The following KCNU1 variants were observed in gnomAD, a reference collection of about 807,000 sequenced individuals.
KCNU1 encodes potassium channel subfamily U member 1.
Under a neutral mutation model 126.8 loss-of-function variants are expected in KCNU1, and 93 were observed. The ratio of observed to expected loss-of-function variants is 0.73; its 90% CI spans 0.62 to 0.87. The LOEUF is 0.87. Among genes scored for constraint, KCNU1 ranks in the 40% least tolerant of loss-of-function variants. The pLI is 0.00. For missense variants in KCNU1, 1,330 were observed against 1,367.1 expected, an observed-to-expected ratio of 0.97 and a Z score of 0.43; for synonymous variants, 523 against 494.2, an observed-to-expected ratio of 1.06 and a Z score of -0.77.
At chr8:36,885,599 C>G (rs1317492463) in intron 19 of KCNU1, among the ~76,000 whole-genome samples, 6 of 152,052 alleles carry the variant, frequency 3.9e-5, no homozygotes, top group African/African-American at 1.4e-4. Context: ...TCGAGACCAG[C>G]CTGGCCAACA....
At chr8:36,789,485 T>C (rs1339804467) in intron 2 of KCNU1, among the ~76,000 whole-genome samples, 1 of 152,232 alleles carries the variant, frequency 6.6e-6, no homozygotes, top group Non-Finnish European at 1.5e-5. Context: ...CCTTCCTTTG[T>C]AATTCTTTTA....
chr8:36,788,500 T>C (rs994770770), intron 2 of KCNU1, among the ~76,000 whole-genome samples: 13 of 152,236 alleles, frequency 8.5e-5, no homozygotes, highest in Non-Finnish European at 1.9e-4. Context: ...GGTCTTATGG[T>C]GGAAGTAGTT....
chr8:36,857,010 G>A lies in KCNU1; in HGVS notation c.1892-7394G>A, dbSNP rs573850481. Among the ~76,000 whole-genome samples the A allele has an allele frequency of 2.0e-5, 3 of 152,294 alleles. No individual in the cohort carries two copies. The East Asian group carries it at 5.8e-4, about 29-fold the overall frequency. ...TTTGGGCGGAGCTTCAGAGCTCTTT[G>A]TTCTTATGGCCTGCCTCTCCTCCTG... On this transcript the variant is annotated intron_variant, in intron 18 of 26. Transcript: ENST00000399881.
intron 10 of KCNU1, 78 bp downstream of exon 10, chr8:36,817,838 A>G: frequency 1.4e-6 from 1 of 707,570 alleles, no homozygotes; most frequent in Non-Finnish European, 2.5e-6. Flanking sequence ...CAAGAAAATT[A>G]CCTTCACAAT....
rs1563346034 is a variant in KCNU1 at position 36,935,877 on chromosome 8, A to G, written c.3407A>G (p.Glu1136Gly). ...AKENERKTSD[E>G]VYDEDPFAYS... ...GAAAATGAAAGGAAAACTTCAGATG[A>G]GGTTTATGATGAGGATCCCTTTGCA... The change falls in exon 27 of 27, where the codon GAG (glutamate) becomes GGG (glycine). Residue 1136 changes from glutamate to glycine, a missense_variant. Around this residue, in one of 3 missense-constraint regions of KCNU1, gnomAD observed 1,054 missense variants for 1,053.9 expected, o/e 1.00. Transcript: ENST00000399881. 1 of 1,609,474 alleles carries G rather than the reference A, an allele frequency of 6.2e-7. No homozygotes were observed. The highest frequency in any genetic ancestry group is 8.5e-7 in the Non-Finnish European group (1 of 1,177,792).
intron 19 of KCNU1, among the ~76,000 whole-genome samples, chr8:36,886,056 A>T (rs569196499): frequency 1.5e-4 from 23 of 152,294 alleles, no homozygotes; most frequent in Admixed American, 1.2e-3. Context: ...TATCCCACAC[A>T]TTACCACCAC....
rs562277086 is a variant in KCNU1 at position 36,830,205 on chromosome 8, C to T, written c.1107-3349C>T. ...TAAGGATTAGAAAGAAGGAAATAAACTATTTGTCTGAAATAGTATAATTAT... is the reference window on the plus strand; with the variant it reads ...TAAGGATTAGAAAGAAGGAAATAAATTATTTGTCTGAAATAGTATAATTAT... On this transcript the variant is annotated intron_variant, in intron 10 of 26. Transcript: ENST00000399881. Among the ~76,000 whole-genome samples the T allele has an allele frequency of 1.3e-3, 197 of 150,978 alleles. 2 individuals are homozygous for T. The highest frequency in any genetic ancestry group is 4.6e-3 in the African/African-American group (190 of 41,360).
Position 36,815,667 on chromosome 8 carries a change from T to A in KCNU1, c.975T>A (p.Tyr325Ter). ...ACAAGAGGAAATACACCAGTTCCTA[T>A]GAAGCACTCAAAGGAAAGAAGTAAG... ...FANKRKYTSS[Y>*]EALKGKKFIV... The change falls in exon 9 of 27, where the codon TAT becomes TAA. Residue 325 changes from tyrosine to a stop codon, truncating the protein, a stop_gained. Coordinates refer to ENST00000399881, the MANE Select transcript of KCNU1 (RefSeq NM_001031836.3). LOFTEE classifies it high-confidence loss of function. The A allele has an allele frequency of 6.3e-7, 1 of 1,585,198 alleles. No individual in the cohort carries two copies. Among genetic ancestry groups the A allele is most frequent in the Non-Finnish European group, 8.6e-7 (1 of 1,162,032 alleles).
chr8:36,929,043 G>A, intron 24 of KCNU1: 1 of 698,338 alleles, frequency 1.4e-6, no homozygotes, highest in South Asian at 1.5e-5. Flanking sequence ...AATGCTAAAA[G>A]GTAAGTATTG....
At chr8:36,874,249 A>T (rs999240688) in intron 19 of KCNU1, among the ~76,000 whole-genome samples, 24 of 152,202 alleles carry the variant, frequency 1.6e-4, no homozygotes, top group Non-Finnish European at 3.2e-4. Context: ...TTTTTTATTT[A>T]TAAGCCCATC....
At chr8:36,855,298 T>C (rs1805490121) in intron 18 of KCNU1, among the ~76,000 whole-genome samples, 1 of 152,184 alleles carries the variant, frequency 6.6e-6, no homozygotes. Context: ...TGCCCTGCTA[T>C]CTGTTGCCTC....
chr8:36,886,255 T>A (rs1026174310), intron 19 of KCNU1, among the ~76,000 whole-genome samples: 1 of 152,186 alleles, frequency 6.6e-6, no homozygotes. Context: ...CTAGCTAGAT[T>A]AACATAAAAC....
chr8:36,899,902 G>GT (rs1232049322), intron 19 of KCNU1, among the ~76,000 whole-genome samples: 4 of 152,106 alleles, frequency 2.6e-5, no homozygotes, highest in African/African-American at 9.7e-5. Context: ...AGAGTGACCA[G>GT]TTTTAACCCT....
chr8:36,914,665 C>T (rs553009576), intron 22 of KCNU1, among the ~76,000 whole-genome samples: 209 of 152,280 alleles, frequency 1.4e-3, no homozygotes, highest in Middle Eastern at 3.4e-3. Flanking sequence ...GCCTCCTGGA[C>T]ATCTCCATGG....
chr8:36,827,464 G>A (rs571432858), intron 10 of KCNU1, among the ~76,000 whole-genome samples: 4 of 152,222 alleles, frequency 2.6e-5, no homozygotes, highest in South Asian at 4.2e-4. Context: ...TGTAAAATGC[G>A]TTCAGGGGAA....
chr8:36,847,802 A>G (rs1380151745), intron 18 of KCNU1, among the ~76,000 whole-genome samples: 1 of 152,240 alleles, frequency 6.6e-6, no homozygotes, highest in Non-Finnish European at 1.5e-5. Context: ...TCTTTTTGAT[A>G]CACTGATTAT....
At chr8:36,807,231 G>A in intron 5 of KCNU1, 144 bp from the exon 6 acceptor site, 1 of 646,976 alleles carries the variant, frequency 1.5e-6, no homozygotes, top group Non-Finnish European at 2.8e-6. Context: ...TACAGCTTAT[G>A]CTGTTAAGCC....
intron 9 of KCNU1, among the ~76,000 whole-genome samples, chr8:36,816,277 GT>G (rs1211874529): frequency 2.0e-5 from 3 of 151,926 alleles, no homozygotes; most frequent in Non-Finnish European, 4.4e-5. Flanking sequence ...GAGTGGAGTT[GT>G]TTTTATATTA....
At chr8:36,834,124 G>T (rs897032872) in intron 11 of KCNU1, among the ~76,000 whole-genome samples, 1 of 152,094 alleles carries the variant, frequency 6.6e-6, no homozygotes, top group African/African-American at 2.4e-5. Context: ...AAGTTGTGAC[G>T]CAAAATAATG....
Sources: allele counts gnomAD v4.1 joint callset (sites outside exome capture counted in the v4.1 genomes callset), GRCh38; gene constraint gnomAD v4.1.1; regional missense constraint gnomAD v4.1.1; transcripts MANE v1.5; gene names NCBI Gene and HGNC (gene_info 2026-07-23, HGNC 2026-07-21).